CDH12: variants seen among roughly 807,000 people sequenced by gnomAD.
CDH12 encodes cadherin-12.
A neutral mutation model predicts 74.1 loss-of-function variants in CDH12; 41 were observed. That is an observed-to-expected ratio of 0.55 (90% CI 0.43 to 0.72). The LOEUF (loss-of-function observed/expected upper bound fraction) is 0.72. Among genes scored for constraint, CDH12 ranks in the 30% least tolerant of loss-of-function variants. CDH12 has a pLI of 0.00. For synonymous variants in CDH12, 399 were observed against 355.0 expected, an observed-to-expected ratio of 1.12 and a Z score of -1.39; for missense variants, 945 against 977.2, an observed-to-expected ratio of 0.97 and a Z score of 0.44.
intron 1 of CDH12, among the ~76,000 whole-genome samples, chr5:22,830,559 A>G (rs1032717492): frequency 6.6e-5 from 10 of 151,784 alleles, no homozygotes; most frequent in African/African-American, 2.2e-4. Flanking sequence ...CTTATTTTCA[A>G]ATCAAATAGT....
At chr5:22,717,769 T>G (rs1743655092) in intron 1 of CDH12, among the ~76,000 whole-genome samples, 1 of 152,178 alleles carries the variant, frequency 6.6e-6, no homozygotes, top group East Asian at 1.9e-4. Context: ...TTCTTTACAG[T>G]TAGTGTATTG....
chr5:22,610,454 T>A (rs916137296), intron 1 of CDH12, among the ~76,000 whole-genome samples: 1 of 152,176 alleles, frequency 6.6e-6, no homozygotes. Flanking sequence ...TATTAGATTC[T>A]GCAGATGTAG....
intron 2 of CDH12, among the ~76,000 whole-genome samples, chr5:22,424,180 TC>T (rs1004391784): frequency 2.0e-5 from 3 of 152,012 alleles, no homozygotes; most frequent in Admixed American, 2.0e-4. Context: ...AAATTCTTCC[TC>T]CTTGTGTGCC....
At chr5:22,820,320 C>T (rs911412208) in intron 1 of CDH12, among the ~76,000 whole-genome samples, 2 of 151,990 alleles carry the variant, frequency 1.3e-5, no homozygotes, top group Admixed American at 6.6e-5. Context: ...CGGATCTCAT[C>T]GTGAGTTCTC....
intron 1 of CDH12, among the ~76,000 whole-genome samples, chr5:22,569,096 G>A (rs1410277678): frequency 1.3e-5 from 2 of 152,130 alleles, no homozygotes; most frequent in African/African-American, 4.8e-5. Context: ...CTGTTCAATA[G>A]CATTTGATCC....
intron 3 of CDH12, among the ~76,000 whole-genome samples, chr5:22,289,155 T>C (rs1737279228): frequency 6.6e-6 from 1 of 152,170 alleles, no homozygotes. Flanking sequence ...TCTTTGAGCC[T>C]TGAGATTTAA....
chr5:21,782,692 A>G (rs376597526), intron 11 of CDH12, among the ~76,000 whole-genome samples: 3 of 152,244 alleles, frequency 2.0e-5, no homozygotes, highest in African/African-American at 7.2e-5. Context: ...CACCACTTTC[A>G]CCCTGATCCA....
At chr5:21,806,314 T>C (rs1561200755) in intron 9 of CDH12, among the ~76,000 whole-genome samples, 1 of 152,148 alleles carries the variant, frequency 6.6e-6, no homozygotes, top group Non-Finnish European at 1.5e-5. Context: ...CGTGGGCAGG[T>C]CTTTTCTATG....
chr5:22,754,915 T>C (rs1241358843), intron 1 of CDH12, among the ~76,000 whole-genome samples: 2 of 152,190 alleles, frequency 1.3e-5, no homozygotes, highest in African/African-American at 4.8e-5. Flanking sequence ...GGAAGAAGAA[T>C]TGAACCCATG....
At chr5:22,361,536 A>G (rs1445537792) in intron 3 of CDH12, among the ~76,000 whole-genome samples, 3 of 152,214 alleles carry the variant, frequency 2.0e-5, no homozygotes, top group Non-Finnish European at 4.4e-5. Context: ...TGCCATCCCC[A>G]TCAAGCTACC....
chr5:22,261,071 G>A (rs971605992), intron 3 of CDH12, among the ~76,000 whole-genome samples: 10 of 143,576 alleles, frequency 7.0e-5, no homozygotes, highest in South Asian at 4.9e-4. Flanking sequence ...GTGTGTGTGT[G>A]TGTATATACA....
At chr5:22,791,330 GT>G (rs1314215126) in intron 1 of CDH12, among the ~76,000 whole-genome samples, 1 of 152,078 alleles carries the variant, frequency 6.6e-6, no homozygotes, top group Non-Finnish European at 1.5e-5. Flanking sequence ...CCACGTCTAA[GT>G]TTTCGCAGAT....
chr5:22,499,141 T>C (rs1747233660), intron 2 of CDH12, among the ~76,000 whole-genome samples: 2 of 151,772 alleles, frequency 1.3e-5, no homozygotes, highest in African/African-American at 4.8e-5. Context: ...TTTGAACTCC[T>C]GACCTCAAGT....
intron 2 of CDH12, among the ~76,000 whole-genome samples, chr5:22,424,103 A>C (rs952615948): frequency 1.3e-5 from 2 of 151,158 alleles, no homozygotes; most frequent in Non-Finnish European, 2.9e-5. Context: ...AAATTTATTT[A>C]TTAAATATTT....
intron 4 of CDH12, among the ~76,000 whole-genome samples, chr5:22,120,759 T>G (rs553101161): frequency 2.6e-5 from 4 of 152,262 alleles, no homozygotes; most frequent in Non-Finnish European, 4.4e-5. Context: ...ATTACAGTTT[T>G]GACTCTTTAA....
intron 2 of CDH12, among the ~76,000 whole-genome samples, chr5:22,429,552 T>C (rs548196392): frequency 6.6e-6 from 1 of 152,278 alleles, no homozygotes; most frequent in South Asian, 2.1e-4. Flanking sequence ...ACCCTTCTTG[T>C]TTCCTTATTT....
intron 12 of CDH12, among the ~76,000 whole-genome samples, chr5:21,761,654 A>G (rs1744723835): frequency 6.6e-6 from 1 of 152,088 alleles, no homozygotes; most frequent in African/African-American, 2.4e-5. Flanking sequence ...CCAATCTATG[A>G]CTATGATCTA....
intron 6 of CDH12, among the ~76,000 whole-genome samples, chr5:21,965,234 C>G (rs190299543): frequency 2.9e-4 from 44 of 151,968 alleles, no homozygotes; most frequent in Admixed American, 5.9e-4. Context: ...TTTCGTGATG[C>G]CAATGTTTTC....
At chr5:21,953,204 G>T (rs555243496) in intron 6 of CDH12, among the ~76,000 whole-genome samples, 2 of 152,052 alleles carry the variant, frequency 1.3e-5, no homozygotes, top group East Asian at 3.9e-4. Flanking sequence ...TCTGAACTCA[G>T]GCATTCCTTT....
Sources: allele counts gnomAD v4.1 joint callset (sites outside exome capture counted in the v4.1 genomes callset), GRCh38; gene constraint gnomAD v4.1.1; transcripts MANE v1.5; gene names NCBI Gene and HGNC (gene_info 2026-07-23, HGNC 2026-07-21).